Variants in SVIL observed in about 807,000 individuals in gnomAD.
SVIL encodes the protein supervillin.
Under a neutral mutation model 240.4 loss-of-function variants are expected in SVIL, and 101 were observed. The observed-to-expected ratio is 0.42, with a 90% CI of 0.36 to 0.50. The LOEUF (loss-of-function observed/expected upper bound fraction) is 0.50. Among genes scored for constraint, SVIL ranks in the 20% least tolerant of loss-of-function variants. The probability of loss-of-function intolerance (pLI) is 0.01; values close to 1 mark genes in which losing one functional copy is unlikely to be tolerated. For synonymous variants in SVIL, 999 were observed against 1,100.0 expected, an observed-to-expected ratio of 0.91 and a Z score of 1.82; for missense variants, 2,512 against 2,818.7, an observed-to-expected ratio of 0.89 and a Z score of 2.46.
intron 14 of SVIL, 97 bp downstream of exon 14, chr10:29,524,375 A>C (rs1342765108): frequency 5.2e-6 from 8 of 1,550,200 alleles, no homozygotes; most frequent in Non-Finnish European, 7.0e-6. Flanking sequence ...TTCCTGGTAG[A>C]GCACCTTAAT....
intron 3 of SVIL, among the ~76,000 whole-genome samples, chr10:29,645,966 C>T (rs568001729): frequency 7.2e-5 from 11 of 152,348 alleles, no homozygotes; most frequent in African/African-American, 2.6e-4. Flanking sequence ...GTACTCCTAA[C>T]TCCTTGCTAC....
rs1261937 is a variant in SVIL at position 29,512,958 on chromosome 10, T to C, written c.3390-97A>G. 1,505,059 of 1,506,206 alleles carry C rather than the reference T, an allele frequency of 1. 751,969 individuals carry two copies. Among genetic ancestry groups the C allele is most frequent in the East Asian group, 1 (43,902 of 43,902 alleles). 93.3% of individuals were successfully genotyped at this position (1,506,206 alleles called of 1,614,324 possible). On this transcript the variant is annotated intron_variant, in intron 16 of 37. Coordinates refer to ENST00000355867, the MANE Select transcript of SVIL (RefSeq NM_021738.3). ...GTAAGAGAGGCGGCTTGGGCCAAGA[T>C]ATGACCACAGCCGCCTCGTTTTAAC...
At chr10:29,570,767 T>C (rs1319310038) in intron 1 of SVIL, among the ~76,000 whole-genome samples, 1 of 152,220 alleles carries the variant, frequency 6.6e-6, no homozygotes, top group Non-Finnish European at 1.5e-5. Flanking sequence ...CTTTAACTTA[T>C]TAAGGGAAAA....
chr10:29,462,882 TACTC>T (rs1205306054), intron 35 of SVIL, among the ~76,000 whole-genome samples: 1 of 152,220 alleles, frequency 6.6e-6, no homozygotes, highest in Non-Finnish European at 1.5e-5. Flanking sequence ...CCATTGCACA[TACTC>T]AGTGACATTA....
At chr10:29,735,867 C>T (rs1964878040), upstream of SVIL, 2 of 152,172 alleles carry the variant, frequency 1.3e-5, no homozygotes, top group African/African-American at 2.4e-5. This position sits in a 1 kb window ranked among gnomAD's most constrained non-coding sequence, Gnocchi z 4.1. Flanking sequence ...TCCCACCGCG[C>T]GGGGAGCGGG....
At chr10:29,581,518 A>C (rs1217076124) in intron 1 of SVIL, among the ~76,000 whole-genome samples, 2 of 152,254 alleles carry the variant, frequency 1.3e-5, no homozygotes, top group Non-Finnish European at 2.9e-5. Flanking sequence ...ACGTTCAATA[A>C]GAAATGTTGC....
intron 1 of SVIL, among the ~76,000 whole-genome samples, chr10:29,715,190 T>C (rs1963544944): frequency 6.6e-6 from 1 of 152,170 alleles, no homozygotes; most frequent in South Asian, 2.1e-4. Context: ...ATATCCACTC[T>C]GAAAATAACA....
chr10:29,679,212 C>A lies in SVIL; in HGVS notation c.-301+7341G>T, dbSNP rs1387238068. ...AGAGAGAGACTCCGTCACAAACAAACAAACAAACAAAACAAAAAAACACCT... is the reference window on the plus strand; with the variant it reads ...AGAGAGAGACTCCGTCACAAACAAAAAAACAAACAAAACAAAAAAACACCT... On this transcript the variant is annotated intron_variant, in intron 2 of 35. Transcript: ENST00000375400. Among the ~76,000 whole-genome samples, 3 of 152,068 alleles carry A rather than the reference C, an allele frequency of 2.0e-5. No individual in the cohort carries two copies. In the East Asian group the frequency reaches 5.8e-4, roughly 29 times the overall value.
At chr10:29,578,541 G>A (rs976167162) in intron 1 of SVIL, among the ~76,000 whole-genome samples, 11 of 152,146 alleles carry the variant, frequency 7.2e-5, no homozygotes, top group African/African-American at 1.4e-4. Flanking sequence ...CACCAGGTGC[G>A]CACAGAAGAA....
At position 29,681,441 on chromosome 10, in the gene SVIL, G is replaced by GTGTA. The variant is rs61353776; in HGVS notation, c.-301+5111_-301+5112insTACA. On this transcript the variant is annotated intron_variant, in intron 2 of 35. Coordinates refer to the SVIL transcript ENST00000375400. ...TGTGTGTGTGTGTGTGTGTGTGTGTGTACGTGTGTTGAGAGAGAGAGAAGA... is the reference window on the plus strand; with the variant it reads ...TGTGTGTGTGTGTGTGTGTGTGTGTGTGTATACGTGTGTTGAGAGAGAGAGAAGA... 3.3e-5 allele frequency among the ~76,000 whole-genome samples: 5 copies of GTGTA among 150,442 alleles called. No homozygotes were observed. The South Asian group carries it at 8.4e-4, about 25-fold the overall frequency.
At chr10:29,563,435 G>C (rs938411172) in intron 2 of SVIL, 143 bp from the exon 3 acceptor site, 1 of 190,366 alleles carries the variant, frequency 5.3e-6, no homozygotes, top group Non-Finnish European at 9.7e-6. Flanking sequence ...TTATATTGGG[G>C]AGTAAATTGG....
intron 2 of SVIL, among the ~76,000 whole-genome samples, chr10:29,681,421 G>GTGTGTGTA (rs1960640254): frequency 6.8e-6 from 1 of 146,278 alleles, no homozygotes; most frequent in African/African-American, 2.5e-5. Flanking sequence ...GTGTGTGTGT[G>GTGTGTGTA]TGTGTGTGTG....
intron 7 of SVIL, 104 bp downstream of exon 7, chr10:29,535,885 G>T: frequency 1.7e-6 from 2 of 1,152,102 alleles, no homozygotes; most frequent in Admixed American, 3.7e-5. Flanking sequence ...AAGTGCACTG[G>T]TATTAAAGAA....
chr10:29,592,610 A>G (rs891818116), intron 1 of SVIL, among the ~76,000 whole-genome samples: 1 of 152,212 alleles, frequency 6.6e-6, no homozygotes, highest in Non-Finnish European at 1.5e-5. Context: ...TTACGTAGGA[A>G]GGGGAGGAGC....
intron 11 of SVIL, 62 bp downstream of exon 11, chr10:29,530,545 C>G: frequency 1.3e-6 from 2 of 1,596,942 alleles, no homozygotes; most frequent in South Asian, 2.2e-5. Flanking sequence ...CTTGGCCTCT[C>G]AAATAGCTGG....
chr10:29,487,553 G>A (rs1947528481), intron 23 of SVIL: 3 of 408,856 alleles, frequency 7.3e-6, no homozygotes, highest in Non-Finnish European at 4.4e-6. Flanking sequence ...CATGTGCGTG[G>A]GTTAATGAAG....
chr10:29,491,222 A>T (rs550643284), intron 21 of SVIL, among the ~76,000 whole-genome samples: 2 of 152,106 alleles, frequency 1.3e-5, no homozygotes, highest in South Asian at 4.1e-4. Context: ...AATCTCAGCC[A>T]CACCCGGATG....
chr10:29,494,525 A>G (rs1335816572), intron 20 of SVIL, among the ~76,000 whole-genome samples: 5 of 152,236 alleles, frequency 3.3e-5, no homozygotes, highest in Non-Finnish European at 5.9e-5. Flanking sequence ...TTACTTCAAT[A>G]TTCATTTGCC....
rs529147522 is a variant in SVIL at position 29,644,375 on chromosome 10, G to A, written c.-201+13594C>T. ...CCTTAGAGACACACAGGAGCGAGGA[G>A]CCTTCTCTGAGCATGTTCTCCCAGC... On this transcript the variant is annotated intron_variant, in intron 3 of 35. Transcript: ENST00000375400. Among the ~76,000 whole-genome samples the A allele has an allele frequency of 2.8e-3, 427 of 152,248 alleles. 3 individuals carry two copies. Among genetic ancestry groups the A allele is most frequent in the Non-Finnish European group, 4.5e-3 (305 of 68,014 alleles).
Sources: gnomAD v4.1 joint callset for allele counts (sites outside exome capture counted in the v4.1 genomes callset) on GRCh38, gnomAD v4.1.1 for gene constraint, Gnocchi (gnomAD v3.1) non-coding constraint, MANE v1.5 for transcripts, NCBI Gene and HGNC (gene_info 2026-07-23, HGNC 2026-07-21) for gene names.